Variants in TEX9 observed in about 807,000 individuals in gnomAD.
TEX9 encodes the protein testis expressed 9.
TEX9 carries 74 observed loss-of-function variants against 59.6 expected under a neutral mutation model. The ratio of observed to expected loss-of-function variants is 1.24; its 90% CI spans 1.03 to 1.51. The LOEUF is 1.51. TEX9 is among the 40% of genes most tolerant of loss of function. TEX9 has a pLI of 0.00. For synonymous variants in TEX9, 186 were observed against 152.2 expected (o/e 1.22, Z -1.64); for missense variants, 522 against 447.8 (o/e 1.17, Z -1.49).
intron 1 of TEX9, among the ~76,000 whole-genome samples, chr15:56,247,690 A>G (rs574588997): frequency 1.3e-5 from 2 of 152,340 alleles, no homozygotes; most frequent in African/African-American, 4.8e-5. Flanking sequence ...CGTTCTATCA[A>G]AGGAAGGCCT....
At chr15:56,340,643 C>T (rs2046354884) in intron 1 of TEX9, among the ~76,000 whole-genome samples, 1 of 152,046 alleles carries the variant, frequency 6.6e-6, no homozygotes, top group African/African-American at 2.4e-5. Flanking sequence ...CTCTACTTCC[C>T]TTGATTCTAC....
intron 1 of TEX9, among the ~76,000 whole-genome samples, chr15:56,337,182 A>G (rs1256545348): frequency 6.6e-6 from 1 of 152,170 alleles, no homozygotes; most frequent in Non-Finnish European, 1.5e-5. Context: ...TGAGGCTGTA[A>G]CTGATAAATC....
chr15:56,278,478 C>T (rs1018679346), intron 1 of TEX9, among the ~76,000 whole-genome samples: 12 of 152,118 alleles, frequency 7.9e-5, no homozygotes, highest in South Asian at 4.1e-4. Context: ...TGACTGAGTC[C>T]GCCATATTTT....
intron 5 of TEX9, among the ~76,000 whole-genome samples, chr15:56,388,982 A>C (rs1056290993): frequency 1.3e-5 from 2 of 152,032 alleles, no homozygotes; most frequent in African/African-American, 4.8e-5. Flanking sequence ...CCTGAAGGCC[A>C]CGGGAGGTCT....
the TEX9 span, among the ~76,000 whole-genome samples, chr15:56,460,009 A>AAAAAAAATATATATATATATATAT: frequency 2.3e-4 from 6 of 26,386 alleles, no homozygotes; most frequent in Non-Finnish European, 3.5e-4. Context: ...AAAAAAAAAA[A>AAAAAAAATATATATATATATATAT]ATACATATAT....
At chr15:56,265,472 T>G (rs1368166908) in intron 1 of TEX9, among the ~76,000 whole-genome samples, 1 of 152,150 alleles carries the variant, frequency 6.6e-6, no homozygotes, top group Non-Finnish European at 1.5e-5. Context: ...CATGCCTTTC[T>G]ATAGTTTTTA....
chr15:56,436,938 C>A (rs186277961), intron 12 of TEX9, among the ~76,000 whole-genome samples: 1 of 152,042 alleles, frequency 6.6e-6, no homozygotes, highest in Non-Finnish European at 1.5e-5. Flanking sequence ...CAATAACAGG[C>A]TCTGAAATTG....
At chr15:56,279,771 A>G (rs915928191) in intron 1 of TEX9, among the ~76,000 whole-genome samples, 15 of 152,176 alleles carry the variant, frequency 9.9e-5, no homozygotes, top group Admixed American at 1.3e-4. Flanking sequence ...GTACAGACAA[A>G]TTTTCTTAGC....
intron 7 of TEX9, chr15:56,393,652 G>A (rs1163011634): frequency 6.6e-6 from 1 of 152,218 alleles, no homozygotes; most frequent in Middle Eastern, 3.2e-3. Context: ...TGGCAGTAAA[G>A]TACCAAAGAT....
chr15:56,272,235 G>T (rs1169391783), intron 1 of TEX9, among the ~76,000 whole-genome samples: 1 of 151,794 alleles, frequency 6.6e-6, no homozygotes, highest in Non-Finnish European at 1.5e-5. Context: ...CATTTCCATC[G>T]CCCCAAGAAG....
intron 1 of TEX9, among the ~76,000 whole-genome samples, chr15:56,270,032 C>T (rs890445389): frequency 6.6e-6 from 1 of 152,156 alleles, no homozygotes; most frequent in East Asian, 1.9e-4. Flanking sequence ...GATTTCTGTT[C>T]TTTTACATTT....
chr15:56,438,302 A>T (rs2050762517), intron 12 of TEX9, among the ~76,000 whole-genome samples: 2 of 152,164 alleles, frequency 1.3e-5, no homozygotes, highest in Admixed American at 1.3e-4. Context: ...AGCCCTCAGA[A>T]ATAGTACCAC....
chr15:56,434,052 G>C, intron 12 of TEX9: 2 of 1,385,474 alleles, frequency 1.4e-6, no homozygotes, highest in South Asian at 1.4e-5. Context: ...GGCATATAAA[G>C]CTTCTCAGTA....
At chr15:56,381,232 C>T (rs1005636476) in intron 3 of TEX9, among the ~76,000 whole-genome samples, 1 of 152,052 alleles carries the variant, frequency 6.6e-6, no homozygotes, top group African/African-American at 2.4e-5. Context: ...TTTTTAACTC[C>T]AGAATTTCTC....
intron 1 of TEX9, among the ~76,000 whole-genome samples, chr15:56,287,973 A>G (rs1475908866): frequency 3.3e-5 from 5 of 152,208 alleles, no homozygotes; most frequent in Non-Finnish European, 5.9e-5. Context: ...TAATGTTGCA[A>G]CATGAACATG....
At chr15:56,327,726 A>G (rs909974532) in intron 1 of TEX9, among the ~76,000 whole-genome samples, 1 of 152,174 alleles carries the variant, frequency 6.6e-6, no homozygotes. Context: ...AGAACTTTGC[A>G]TTGGAAACTG....
chr15:56,343,530 A>AG (rs2046410911), intron 1 of TEX9, among the ~76,000 whole-genome samples: 1 of 152,116 alleles, frequency 6.6e-6, no homozygotes, highest in Non-Finnish European at 1.5e-5. Context: ...AAATGGCAAA[A>AG]TTACCAATAT....
intron 9 of TEX9, among the ~76,000 whole-genome samples, chr15:56,405,316 A>G (rs2049024345): frequency 7.9e-5 from 12 of 151,554 alleles, no homozygotes; most frequent in South Asian, 6.2e-4. Flanking sequence ...CAAAGAAAAA[A>G]AAAAAAAAAA....
intron 9 of TEX9, among the ~76,000 whole-genome samples, chr15:56,400,676 A>G (rs146017139): frequency 3.3e-5 from 5 of 152,170 alleles, no homozygotes; most frequent in East Asian, 3.9e-4. Context: ...ACCAAGATAC[A>G]TAACTGTCAG....
Sources: gnomAD v4.1 joint callset for allele counts (sites outside exome capture counted in the v4.1 genomes callset) on GRCh38, gnomAD v4.1.1 for gene constraint, MANE v1.5 for transcripts, NCBI Gene and HGNC (gene_info 2026-07-23, HGNC 2026-07-21) for gene names.